KY: variants seen among roughly 807,000 people sequenced by gnomAD.
KY encodes the protein kyphoscoliosis peptidase.
In KY, 43 loss-of-function variants were observed where a neutral mutation model predicts 76.1. The observed-to-expected ratio is 0.57, with a 90% CI of 0.44 to 0.73. The LOEUF (loss-of-function observed/expected upper bound fraction) is 0.73, where lower values mean the gene tolerates loss of function less well. Ranked by LOEUF, KY falls within the 30% of genes least tolerant of loss-of-function variation. KY has a pLI of 0.00. For synonymous variants in KY, 277 were observed against 326.2 expected, an observed-to-expected ratio of 0.85 and a Z score of 1.63; for missense variants, 722 against 828.9, an observed-to-expected ratio of 0.87 and a Z score of 1.58.
chr3:134,619,635 A>G (rs780361800), intron 7 of KY, among the ~76,000 whole-genome samples: 1 of 152,172 alleles, frequency 6.6e-6, no homozygotes, highest in Non-Finnish European at 1.5e-5. Flanking sequence ...CCTCATGCTG[A>G]CCCATGGGGC....
At chr3:134,631,642 A>G (rs2107919775) in intron 3 of KY, among the ~76,000 whole-genome samples, 1 of 152,282 alleles carries the variant, frequency 6.6e-6, no homozygotes, top group East Asian at 1.9e-4. Flanking sequence ...TCTACTTGAA[A>G]TGTTAATATT....
chr3:134,629,065 T>C (rs1293570337), intron 4 of KY, among the ~76,000 whole-genome samples: 1 of 151,798 alleles, frequency 6.6e-6, no homozygotes, highest in Non-Finnish European at 1.5e-5. Flanking sequence ...GAGAAGGGAG[T>C]TGGGGAGACA....
intron 1 of KY, among the ~76,000 whole-genome samples, chr3:134,650,450 G>T (rs373319390): frequency 2.6e-5 from 4 of 152,182 alleles, no homozygotes; most frequent in East Asian, 1.9e-4. Context: ...TGTGCTGTGG[G>T]GGGGAGCAGG....
intron 10 of KY, among the ~76,000 whole-genome samples, chr3:134,605,186 G>A (rs1411386052): frequency 6.6e-6 from 1 of 152,070 alleles, no homozygotes. Context: ...GATTTTGAGG[G>A]ACAGGTGGTC....
intron 3 of KY, among the ~76,000 whole-genome samples, chr3:134,639,323 C>T (rs1167873995): frequency 6.6e-6 from 1 of 152,126 alleles, no homozygotes; most frequent in Non-Finnish European, 1.5e-5. Context: ...CTGCCAAACA[C>T]AGCATGAAAA....
At position 134,605,772 on chromosome 3, in the gene KY, A is replaced by T. The variant is rs926386794; in HGVS notation, c.1091-1298T>A. Among the ~76,000 whole-genome samples, 4 of 151,332 alleles carry T rather than the reference A, an allele frequency of 2.6e-5. No individual in the cohort carries two copies. In the South Asian group the frequency reaches 6.3e-4, roughly 24 times the overall value. ...TGACTTCCTAATAACGAGGCCTCTC[A>T]GACCTTGGAGGACCTAGGCTGCTGG... On this transcript the variant is annotated intron_variant, in intron 10 of 10. Transcript: ENST00000423778.
intron 6 of KY, among the ~76,000 whole-genome samples, chr3:134,623,916 T>A (rs9809344): frequency 6.6e-6 from 1 of 151,860 alleles, no homozygotes; most frequent in Non-Finnish European, 1.5e-5. Flanking sequence ...CCTCCACCCC[T>A]GCAATATGAT....
intron 9 of KY, 38 bp from the exon 10 acceptor site, chr3:134,608,877 G>T: frequency 5.7e-6 from 9 of 1,568,802 alleles, no homozygotes; most frequent in Non-Finnish European, 7.8e-6. Flanking sequence ...CCAGCTCCAT[G>T]CAGGGGAGGC....
At position 134,603,504 on chromosome 3, in the gene KY, C is replaced by T; in HGVS notation, c.*75G>A. On this transcript the variant is annotated 3_prime_UTR_variant, in exon 11 of 11. Transcript: ENST00000423778. ...GCAGACTCAGTGGTGTCCAGGGCTC[C>T]CTGCACTTCCTTCGAGCCCTCCCTG... is the stretch of plus-strand genomic sequence containing the variant. The T allele has an allele frequency of 1.5e-6, 2 of 1,361,384 alleles. No homozygotes were observed. The highest frequency in any genetic ancestry group is 1.0e-6 in the Non-Finnish European group (1 of 996,458). The allele number at this position is 1,361,384 out of a possible 1,614,324, so 84.3% of individuals were successfully genotyped here. A position where few individuals can be genotyped will look rare whatever the true frequency, so the allele number is the denominator to read the frequency against.
At chr3:134,627,684 A>G (rs1963644488) in intron 5 of KY, 72 bp downstream of exon 5, 4 of 1,391,200 alleles carry the variant, frequency 2.9e-6, no homozygotes, top group Non-Finnish European at 4.1e-6. Flanking sequence ...GCAACTGTCA[A>G]TTGGAGATTA....
chr3:134,615,744 G>C (rs1961446783), intron 8 of KY, among the ~76,000 whole-genome samples: 1 of 152,198 alleles, frequency 6.6e-6, no homozygotes, highest in Non-Finnish European at 1.5e-5. Flanking sequence ...GTTATCCAAT[G>C]AATCTGCATC....
At chr3:134,643,187 C>T in intron 3 of KY, 129 bp downstream of exon 3, 1 of 766,346 alleles carries the variant, frequency 1.3e-6, no homozygotes, top group Non-Finnish European at 2.1e-6. Flanking sequence ...GGTTTTCCAA[C>T]ACCCATGGGA....
At chr3:134,607,690 CG>C in intron 10 of KY, 1 of 985,744 alleles carries the variant, frequency 1.0e-6, no homozygotes, top group South Asian at 4.7e-5. Flanking sequence ...GGGCAGCCCC[CG>C]TATGCCTCAG....
At chr3:134,636,526 A>G (rs1964992120) in intron 3 of KY, among the ~76,000 whole-genome samples, 2 of 152,220 alleles carry the variant, frequency 1.3e-5, no homozygotes, top group Non-Finnish European at 2.9e-5. Flanking sequence ...ATGAGAGCCC[A>G]CATGGAGCAC....
chr3:134,627,343 G>A (rs1577707715), intron 5 of KY, among the ~76,000 whole-genome samples: 1 of 152,102 alleles, frequency 6.6e-6, no homozygotes, highest in South Asian at 2.1e-4. Flanking sequence ...CAAATGAAGG[G>A]CAAAAGCAGG....
At position 134,603,562 on chromosome 3, in the gene KY, A is replaced by G. The variant is rs377336089; in HGVS notation, c.*17T>C. 89 of 1,552,784 alleles carry G rather than the reference A, an allele frequency of 5.7e-5. No homozygotes were observed. In the African/African-American group the frequency reaches 9.8e-4, roughly 17 times the overall value. Reference sequence around the variant, plus strand: ...CTGGCCTTGGCCCTTTGGGAGGGTAAGACCGGGGCACAGCCCTCACTGGGC... The same window carrying G: ...CTGGCCTTGGCCCTTTGGGAGGGTAGGACCGGGGCACAGCCCTCACTGGGC... On this transcript the variant is annotated 3_prime_UTR_variant, in exon 11 of 11. Coordinates refer to ENST00000423778, the MANE Select transcript of KY (RefSeq NM_178554.6).
intron 3 of KY, among the ~76,000 whole-genome samples, chr3:134,637,372 A>T (rs1965116242): frequency 6.6e-6 from 1 of 152,208 alleles, no homozygotes; most frequent in Non-Finnish European, 1.5e-5. Flanking sequence ...TGTCTTTTAA[A>T]GTGAGTGCTA....
intron 8 of KY, chr3:134,612,924 C>A (rs1960788464): frequency 6.6e-6 from 1 of 152,102 alleles, no homozygotes; most frequent in East Asian, 1.9e-4. Context: ...TCTGTATTTT[C>A]TAAATTTTTA....
In KY at chr3:134,647,494, A is replaced by G. The variant is rs1201115628; in HGVS notation, c.140T>C (p.Phe47Ser). ...TCGGACTCCATTTCCAACACCTTGG[A>G]ATCCTGCAAAATAACAAGCTTCTCT... is the stretch of plus-strand genomic sequence containing the variant. ...PSSLLQRGGGFQGVGNGVRRW... is the reference protein window; with the variant it reads ...PSSLLQRGGGSQGVGNGVRRW... The change falls in exon 2 of 11, where the codon TTC becomes TCC. Residue 47 changes from phenylalanine to serine, a missense_variant. Physicochemically the swap from Phe to Ser is radical, Grantham distance 155 (BLOSUM62 -2). Transcript: ENST00000423778. The G allele has an allele frequency of 1.9e-6, 3 of 1,606,130 alleles. No homozygotes were observed. The highest frequency in any genetic ancestry group is 4.5e-5 in the East Asian group (2 of 44,828).
Sources: gnomAD v4.1 joint callset for allele counts (sites outside exome capture counted in the v4.1 genomes callset) on GRCh38, gnomAD v4.1.1 for gene constraint, MANE v1.5 for transcripts, NCBI Gene and HGNC (gene_info 2026-07-23, HGNC 2026-07-21) for gene names.